ARNT: variants seen among roughly 807,000 people sequenced by gnomAD.
ARNT encodes the protein aryl hydrocarbon receptor nuclear translocator.
In ARNT, 30 loss-of-function variants were observed where a neutral mutation model predicts 105.0. The observed-to-expected ratio is 0.29, with a 90% CI of 0.21 to 0.39. ARNT has a LOEUF of 0.39. Ranked by LOEUF, ARNT falls within the 10% of genes least tolerant of loss-of-function variation. The probability of loss-of-function intolerance (pLI) is 1.00; values close to 1 mark genes in which losing one functional copy is unlikely to be tolerated. For missense variants in ARNT, 748 were observed against 978.7 expected (o/e 0.76, Z 3.15); for synonymous variants, 304 against 344.0 (o/e 0.88, Z 1.29).
rs1306767542 is a variant in ARNT at position 150,811,681 on chromosome 1, A to AAC, written c.*338_*339dup. Reference sequence around the variant, plus strand: ...AAAACAAGCCATACTATCCAAGGCAAACAGTGGATGTCAGGTTCTTCTAAC... The same window carrying AAC: ...AAAACAAGCCATACTATCCAAGGCAAACACAGTGGATGTCAGGTTCTTCTAAC... On this transcript the variant is annotated 3_prime_UTR_variant, in exon 22 of 22. Coordinates refer to ENST00000358595, the MANE Select transcript of ARNT (RefSeq NM_001668.4). 21 of 243,238 alleles carry AAC rather than the reference A, an allele frequency of 8.6e-5. No individual in the cohort carries two copies. The highest frequency in any genetic ancestry group is 4.6e-4 in the African/African-American group (21 of 45,724). The allele number at this position is 243,238 out of a possible 1,614,324, so 15.1% of individuals were successfully genotyped here.
intron 1 of ARNT, among the ~76,000 whole-genome samples, chr1:150,860,123 G>T (rs1015107038): frequency 1.4e-5 from 2 of 147,434 alleles, no homozygotes; most frequent in African/African-American, 5.0e-5. Flanking sequence ...ATTGTTTTTT[G>T]TTAGTTCATA....
intron 20 of ARNT, among the ~76,000 whole-genome samples, chr1:150,813,838 C>T (rs1026856929): frequency 6.6e-6 from 1 of 152,034 alleles, no homozygotes; most frequent in African/African-American, 2.4e-5. Context: ...GTTGGTCAGG[C>T]TGGGGTTGAA....
At position 150,816,246 on chromosome 1, in the gene ARNT, T is replaced by A; in HGVS notation, c.1950+13A>T. The A allele has an allele frequency of 1.3e-6, 2 of 1,593,624 alleles. No homozygotes were observed. The highest frequency in any genetic ancestry group is 1.7e-4 in the Middle Eastern group (1 of 6,004). ...AAATAATACACAGGGAACACACAGA[T>A]GATAAGTTTTACCTGGGCAGAAAAG... On this transcript the variant is annotated intron_variant, in intron 19 of 21. Transcript: ENST00000358595.
At chr1:150,815,585 C>T (rs1295579388) in intron 19 of ARNT, among the ~76,000 whole-genome samples, 1 of 120,890 alleles carries the variant, frequency 8.3e-6, no homozygotes, top group Non-Finnish European at 1.7e-5. Context: ...TTCAGCCAGG[C>T]GCGGTGGCTC....
intron 12 of ARNT, 65 bp from the exon 13 acceptor site, chr1:150,826,682 T>G: frequency 1.6e-6 from 2 of 1,281,698 alleles, no homozygotes; most frequent in Non-Finnish European, 2.2e-6. Context: ...TTCGCTCTTG[T>G]TGCCCAGGCT....
At chr1:150,867,556 G>A (rs778234165) in intron 1 of ARNT, among the ~76,000 whole-genome samples, 33 of 152,066 alleles carry the variant, frequency 2.2e-4, no homozygotes, top group Non-Finnish European at 4.6e-4. Context: ...CTTTTAAATA[G>A]ATAAAAATAT....
chr1:150,813,105 G>T, intron 21 of ARNT, 67 bp downstream of exon 21: 1 of 1,541,858 alleles, frequency 6.5e-7, no homozygotes, highest in Non-Finnish European at 8.8e-7. Context: ...TTCCTTCACT[G>T]TCTCTCCTCC....
chr1:150,840,768 CA>C (rs1454208296), intron 5 of ARNT, among the ~76,000 whole-genome samples: 1 of 152,070 alleles, frequency 6.6e-6, no homozygotes, highest in East Asian at 1.9e-4. Context: ...CTGACTTCCT[CA>C]AAATTAAGAC....
chr1:150,834,257 A>G (rs141831352), intron 8 of ARNT, among the ~76,000 whole-genome samples: 3 of 152,156 alleles, frequency 2.0e-5, no homozygotes, highest in Non-Finnish European at 4.4e-5. Context: ...ATTTCTTTAT[A>G]TCTGTTTTTC....
intron 14 of ARNT, among the ~76,000 whole-genome samples, chr1:150,820,300 A>G (rs1274595628): frequency 6.6e-6 from 1 of 152,214 alleles, no homozygotes; most frequent in African/African-American, 2.4e-5. Context: ...CTTTCCAGAA[A>G]GAGTTGATAC....
At chr1:150,866,640 T>C (rs1293974367) in intron 1 of ARNT, among the ~76,000 whole-genome samples, 5 of 152,158 alleles carry the variant, frequency 3.3e-5, no homozygotes, top group Non-Finnish European at 5.9e-5. Context: ...TATTAATATA[T>C]GGATGTATAG....
intron 1 of ARNT, among the ~76,000 whole-genome samples, chr1:150,861,013 C>T (rs587702726): frequency 9.2e-5 from 14 of 152,224 alleles, no homozygotes; most frequent in African/African-American, 3.4e-4. Flanking sequence ...AAGTGCTCAA[C>T]ATAACCAATC....
intron 1 of ARNT, among the ~76,000 whole-genome samples, chr1:150,875,985 G>A (rs905194620): frequency 6.6e-6 from 1 of 152,210 alleles, no homozygotes; most frequent in Non-Finnish European, 1.5e-5. Context: ...GGACGGAGAC[G>A]GGGACGGGGG....
intron 13 of ARNT, among the ~76,000 whole-genome samples, chr1:150,823,947 A>G (rs183021025): frequency 1.5e-4 from 22 of 148,908 alleles, no homozygotes; most frequent in African/African-American, 5.0e-4. Flanking sequence ...GGTTCAAGCG[A>G]TTCTCCTGCC....
intron 12 of ARNT, among the ~76,000 whole-genome samples, chr1:150,828,504 T>TA (rs1658730847): frequency 6.6e-6 from 1 of 152,228 alleles, no homozygotes; most frequent in African/African-American, 2.4e-5. Context: ...TATCTATCCT[T>TA]ACACCAACAC....
chr1:150,832,030 C>G, intron 9 of ARNT, 127 bp from the exon 10 acceptor site: 1 of 758,488 alleles, frequency 1.3e-6, no homozygotes. Flanking sequence ...ATCATCTTTC[C>G]CACCCAAAAA....
chr1:150,872,266 T>C (rs924601618), intron 1 of ARNT, among the ~76,000 whole-genome samples: 3 of 152,198 alleles, frequency 2.0e-5, no homozygotes, highest in African/African-American at 7.2e-5. Flanking sequence ...AAAGAATATC[T>C]TGACATCTTA....
chr1:150,867,653 C>T (rs1193475133), intron 1 of ARNT, among the ~76,000 whole-genome samples: 1 of 152,140 alleles, frequency 6.6e-6, no homozygotes. Flanking sequence ...TATGGTTTGG[C>T]TCTGTGTGTC....
chr1:150,874,200 C>T (rs1667918585), intron 1 of ARNT, among the ~76,000 whole-genome samples: 1 of 152,096 alleles, frequency 6.6e-6, no homozygotes, highest in Non-Finnish European at 1.5e-5. Flanking sequence ...TACATTTCCA[C>T]CTATGTCCCT....
Sources: allele counts gnomAD v4.1 joint callset (sites outside exome capture counted in the v4.1 genomes callset), GRCh38; gene constraint gnomAD v4.1.1; transcripts MANE v1.5; gene names NCBI Gene and HGNC (gene_info 2026-07-23, HGNC 2026-07-21).